Variants in ZNF106 observed in about 807,000 individuals in gnomAD.
ZNF106 encodes the protein zinc finger protein 106, also known as SH3-domain binding protein 3.
Under a neutral mutation model 195.1 loss-of-function variants are expected in ZNF106, and 67 were observed. That is an observed-to-expected ratio of 0.34 (90% CI 0.28 to 0.42). The LOEUF (loss-of-function observed/expected upper bound fraction) is 0.42. Ranked by LOEUF, ZNF106 falls within the 10% of genes least tolerant of loss-of-function variation. The pLI, the probability that ZNF106 is intolerant of heterozygous loss-of-function variation, is 1.00. For synonymous variants in ZNF106, 784 were observed against 818.6 expected (o/e 0.96, Z 0.72); for missense variants, 2,118 against 2,304.5 (o/e 0.92, Z 1.66).
chr15:42,491,054 C>T lies in ZNF106; in HGVS notation c.-107G>A, dbSNP rs986594619. ...GGGAGCTCCCTGACGCCTCAGACGC[C>T]CCCTTCAGTTTTGGGTCCGGGAGCC... On this transcript the variant is annotated 5_prime_UTR_variant, in exon 1 of 22. Coordinates refer to ENST00000564754, the MANE Select transcript of ZNF106 (RefSeq NM_001366845.3). 1 of 152,258 alleles carries T rather than the reference C, an allele frequency of 6.6e-6. No homozygotes were observed. Among genetic ancestry groups the T allele is most frequent in the Non-Finnish European group, 1.5e-5 (1 of 68,086 alleles). 9.4% of individuals were successfully genotyped at this position (152,258 alleles called of 1,614,324 possible).
chr15:42,458,673 A>G (rs891470560), intron 3 of ZNF106, among the ~76,000 whole-genome samples: 1 of 150,912 alleles, frequency 6.6e-6, no homozygotes. Context: ...ACACCACTGC[A>G]CTCCAGCCTG....
chr15:42,429,978 A>T (rs2054995197), intron 14 of ZNF106, among the ~76,000 whole-genome samples: 1 of 152,074 alleles, frequency 6.6e-6, no homozygotes, highest in Admixed American at 6.5e-5. Flanking sequence ...GAAGAAGGTT[A>T]TGCCCAGGGA....
At position 42,417,356 on chromosome 15, in the gene ZNF106, G is replaced by A. The variant is rs2054495520; in HGVS notation, c.5669C>T (p.Ala1890Val). 5 of 1,613,930 alleles carry A rather than the reference G, an allele frequency of 3.1e-6. No homozygotes were observed. The highest frequency in any genetic ancestry group is 3.4e-6 in the Non-Finnish European group (4 of 1,179,978). Residue 1890 changes from alanine to valine, a missense_variant, in exon 22 of 22, where the codon GCT becomes GTT. By Grantham distance (64) the Ala-to-Val change is moderately conservative. Transcript: ENST00000564754. ...FTARKGSKQDAAGHIERHAED... is the reference protein window; with the variant it reads ...FTARKGSKQDVAGHIERHAED... ...AGCATGTCGTTCAATATGTCCTGCA[G>A]CATCCTAGGAATGAAGGGAAAAGGG...
chr15:42,449,114 A>C (rs2055884825), intron 5 of ZNF106, among the ~76,000 whole-genome samples: 1 of 152,198 alleles, frequency 6.6e-6, no homozygotes, highest in African/African-American at 2.4e-5. Flanking sequence ...AGTGGGGGGA[A>C]ATAAACCCAT....
chr15:42,476,846 C>T (rs1462124805), intron 1 of ZNF106, among the ~76,000 whole-genome samples: 2 of 152,056 alleles, frequency 1.3e-5, no homozygotes, highest in Non-Finnish European at 2.9e-5. Context: ...ACTTTCTCTT[C>T]CTTAAGATTT....
intron 4 of ZNF106, among the ~76,000 whole-genome samples, chr15:42,453,133 A>C (rs1277484637): frequency 6.6e-6 from 1 of 152,208 alleles, no homozygotes; most frequent in Non-Finnish European, 1.5e-5. Context: ...TTTTATTAAT[A>C]AACACTTTGT....
rs151299664 is a variant in ZNF106 at position 42,472,968 on chromosome 15, G to A, written c.-32-647C>T. Among the ~76,000 whole-genome samples the A allele has an allele frequency of 3.2e-4, 48 of 150,532 alleles. 1 individual carries two copies. The East Asian group carries it at 3.5e-3, about 11-fold the overall frequency. On this transcript the variant is annotated intron_variant, in intron 1 of 21. Transcript: ENST00000564754. ...TTGCAGTGAGCTGAGATTGCACCAC[G>A]GCACTCCAGCCTGGGCGACAGAGCA...
chr15:42,449,279 C>T (rs2055892733), intron 5 of ZNF106, among the ~76,000 whole-genome samples: 1 of 152,164 alleles, frequency 6.6e-6, no homozygotes, highest in Admixed American at 6.6e-5. Context: ...CAAAATATTA[C>T]ACAAGCGCTT....
At chr15:42,417,980 G>A (rs2054517583) in intron 20 of ZNF106, 29 bp from the exon 21 acceptor site, 2 of 1,604,588 alleles carry the variant, frequency 1.2e-6, no homozygotes, top group Non-Finnish European at 1.7e-6. Context: ...AGGAGACTCG[G>A]TGAAAAAGGG....
intron 2 of ZNF106, among the ~76,000 whole-genome samples, chr15:42,471,206 A>G (rs2056659881): frequency 1.3e-5 from 2 of 152,198 alleles, no homozygotes; most frequent in East Asian, 1.9e-4. Context: ...CTCTTAAACC[A>G]TCGTTACTCT....
rs560981905 is a variant in ZNF106 at position 42,469,277 on chromosome 15, T to C, written c.54+2959A>G. 3.3e-5 allele frequency among the ~76,000 whole-genome samples: 5 copies of C among 152,308 alleles called. No individual in the cohort carries two copies. In the East Asian group the frequency reaches 5.8e-4, roughly 18 times the overall value. ...TGCTTACCAATATGCCTAATCCCCT[T>C]TACTTGAGCTAAATTTAAGTGAGTT... On this transcript the variant is annotated intron_variant, in intron 2 of 21. Coordinates refer to ENST00000564754, the MANE Select transcript of ZNF106 (RefSeq NM_001366845.3).
chr15:42,442,421 T>G lies in ZNF106; in HGVS notation c.3422-7A>C, dbSNP rs1310329414. On this transcript the variant is annotated splice_polypyrimidine_tract_variant and splice_region_variant and intron_variant, in intron 9 of 21. Coordinates refer to ENST00000564754, the MANE Select transcript of ZNF106 (RefSeq NM_001366845.3). ...TCAGAAGGTTCATATGTTTCTAGAA[T>G]GGGAAACATACATACATAGAAATGC... 1.9e-6 allele frequency: 3 copies of G among 1,597,628 alleles called. No homozygotes were observed. Among genetic ancestry groups the G allele is most frequent in the Non-Finnish European group, 2.6e-6 (3 of 1,169,068 alleles).
intron 1 of ZNF106, among the ~76,000 whole-genome samples, chr15:42,488,444 C>T (rs1256167356): frequency 6.6e-6 from 1 of 152,092 alleles, no homozygotes; most frequent in Non-Finnish European, 1.5e-5. Flanking sequence ...CATGCACAAA[C>T]ATGCACACAC....
intron 15 of ZNF106, among the ~76,000 whole-genome samples, chr15:42,426,492 TG>T (rs1306091625): frequency 6.6e-6 from 1 of 151,326 alleles, no homozygotes; most frequent in Admixed American, 6.6e-5. Flanking sequence ...CTTGAAGTCC[TG>T]GCCCCAAGCA....
intron 7 of ZNF106, among the ~76,000 whole-genome samples, chr15:42,445,456 A>G (rs371931286): frequency 1.3e-5 from 2 of 152,254 alleles, no homozygotes; most frequent in South Asian, 2.1e-4. Context: ...AAGAAAATAC[A>G]GCTTTGAAAT....
At chr15:42,469,907 C>T (rs1256575067) in intron 2 of ZNF106, among the ~76,000 whole-genome samples, 2 of 151,234 alleles carry the variant, frequency 1.3e-5, no homozygotes, top group Non-Finnish European at 2.9e-5. Flanking sequence ...AAAAGATCCA[C>T]AGGCACAGGA....
chr15:42,421,170 C>G (rs754722448), intron 19 of ZNF106, 38 bp from the exon 20 acceptor site: 1 of 1,577,198 alleles, frequency 6.3e-7, no homozygotes. Context: ...GACCAAAATA[C>G]ATACAAACTA....
In ZNF106 at chr15:42,448,177, G is replaced by C. The variant is rs551952545; in HGVS notation, c.3030C>G (p.Ala1010=). ...CATCCGCTAAACTGGAGATCGCAAG[G>C]GCTGAGGATGCGCTTGATGACAGAC... The part of the protein sequence containing the change: ...GNCLSSSASS[A]LAISSLADAA... The change falls in exon 6 of 22, where the codon GCC becomes GCG. Residue 1010 remains alanine (A), a synonymous_variant. Transcript: ENST00000564754. The C allele has an allele frequency of 1.1e-5, 17 of 1,614,144 alleles. No individual in the cohort carries two copies. The South Asian group carries it at 1.6e-4, about 16-fold the overall frequency.
intron 4 of ZNF106, among the ~76,000 whole-genome samples, chr15:42,454,376 T>C (rs2056157641): frequency 6.6e-6 from 1 of 152,146 alleles, no homozygotes; most frequent in African/African-American, 2.4e-5. Flanking sequence ...ATGCAACTTC[T>C]GGCATCCAAG....
Sources: gnomAD v4.1 joint callset for allele counts (sites outside exome capture counted in the v4.1 genomes callset) on GRCh38, gnomAD v4.1.1 for gene constraint, MANE v1.5 for transcripts, NCBI Gene and HGNC (gene_info 2026-07-23, HGNC 2026-07-21) for gene names.